MACROD2: variants seen among roughly 807,000 people sequenced by gnomAD.
MACROD2 encodes mono-ADP ribosylhydrolase 2.
MACROD2 carries 36 observed loss-of-function variants against 70.4 expected under a neutral mutation model. The observed-to-expected ratio is 0.51, with a 90% CI of 0.39 to 0.68. The LOEUF (loss-of-function observed/expected upper bound fraction) is 0.68. MACROD2 is among the 30% of genes least tolerant of loss of function. The probability of loss-of-function intolerance (pLI) is 0.00; values close to 1 mark genes in which losing one functional copy is unlikely to be tolerated. For synonymous variants in MACROD2, 172 were observed against 178.8 expected, an observed-to-expected ratio of 0.96 and a Z score of 0.30; for missense variants, 496 against 538.4, an observed-to-expected ratio of 0.92 and a Z score of 0.78.
At chr20:16,033,726 C>A (rs984388339) in intron 15 of MACROD2, among the ~76,000 whole-genome samples, 64 of 151,982 alleles carry the variant, frequency 4.2e-4, no homozygotes, top group Non-Finnish European at 1.5e-4. Flanking sequence ...AATGCCAGGA[C>A]TTGGATTTGA....
intron 6 of MACROD2, among the ~76,000 whole-genome samples, chr20:15,397,298 A>T (rs1568775497): frequency 6.6e-6 from 1 of 150,970 alleles, no homozygotes; most frequent in African/African-American, 2.4e-5. Context: ...TTTCTTTTTA[A>T]TTTTTTTTTA....
intron 6 of MACROD2, among the ~76,000 whole-genome samples, chr20:15,319,883 T>G (rs2077854596): frequency 1.3e-5 from 2 of 152,212 alleles, no homozygotes; most frequent in Non-Finnish European, 1.5e-5. Flanking sequence ...ATAATCTCAA[T>G]TATATGAAAT....
intron 3 of MACROD2, among the ~76,000 whole-genome samples, chr20:14,362,564 A>G (rs866562767): frequency 1.3e-5 from 2 of 152,200 alleles, no homozygotes; most frequent in Non-Finnish European, 2.9e-5. Context: ...CACAGCCCCA[A>G]GTTAACTTTG....
chr20:15,777,550 C>CTTCCTTCCTTCCTTCCTTCCTTCCTTCT (rs1199405538), intron 8 of MACROD2, among the ~76,000 whole-genome samples: 1 of 91,702 alleles, frequency 1.1e-5, no homozygotes, highest in Non-Finnish European at 2.4e-5. Context: ...TCCTTCCTTC[C>CTTCCTTCCTTCCTTCCTTCCTTCCTTCT]TTCCTTCCTT....
intron 4 of MACROD2, among the ~76,000 whole-genome samples, chr20:14,677,259 C>T (rs1380116021): frequency 2.9e-4 from 44 of 152,130 alleles, no homozygotes; most frequent in Non-Finnish European, 1.5e-5. Flanking sequence ...GCTATCTAAA[C>T]AGTGGAATAA....
chr20:15,859,279 G>A (rs1274394559), intron 8 of MACROD2, among the ~76,000 whole-genome samples: 1 of 152,012 alleles, frequency 6.6e-6, no homozygotes, highest in Non-Finnish European at 1.5e-5. Context: ...AGTGGAAGAG[G>A]AAGCAGAAGA....
At chr20:14,388,247 C>T (rs956129995) in intron 3 of MACROD2, among the ~76,000 whole-genome samples, 1 of 151,958 alleles carries the variant, frequency 6.6e-6, no homozygotes, top group African/African-American at 2.4e-5. Flanking sequence ...CTCCTGACTT[C>T]GTGATCCACC....
chr20:15,467,650 G>A (rs550509129), intron 7 of MACROD2, among the ~76,000 whole-genome samples: 1 of 152,224 alleles, frequency 6.6e-6, no homozygotes, highest in African/African-American at 2.4e-5. Flanking sequence ...TCTTAGGAAG[G>A]TGCAGCCATG....
intron 8 of MACROD2, among the ~76,000 whole-genome samples, chr20:15,667,383 G>A (rs778354461): frequency 1.3e-5 from 2 of 152,140 alleles, no homozygotes; most frequent in East Asian, 1.9e-4. Context: ...GCAGAACCAC[G>A]AGCCAATTAA....
At chr20:14,538,869 G>T (rs2085398718) in intron 4 of MACROD2, among the ~76,000 whole-genome samples, 1 of 152,088 alleles carries the variant, frequency 6.6e-6, no homozygotes, top group South Asian at 2.1e-4. Flanking sequence ...TTATTTTCGA[G>T]CCTACATGTT....
At chr20:14,046,222 A>G (rs1407465254) in intron 2 of MACROD2, among the ~76,000 whole-genome samples, 1 of 152,228 alleles carries the variant, frequency 6.6e-6, no homozygotes, top group Non-Finnish European at 1.5e-5. Context: ...AAGCTATAGA[A>G]ATTAGACTGG....
intron 3 of MACROD2, among the ~76,000 whole-genome samples, chr20:14,428,407 A>T (rs1041130626): frequency 6.6e-6 from 1 of 152,110 alleles, no homozygotes; most frequent in Non-Finnish European, 1.5e-5. Context: ...CTTAATTTCT[A>T]GATTTTCGAA....
chr20:15,134,246 G>A (rs142800030), intron 5 of MACROD2, among the ~76,000 whole-genome samples: 1,793 of 147,740 alleles, frequency 0.012, 36 homozygotes, highest in African/African-American at 0.04. Flanking sequence ...TGCCCGAGCC[G>A]GGCAGGGTGG....
At chr20:14,945,221 G>A (rs1368675173) in intron 5 of MACROD2, among the ~76,000 whole-genome samples, 1 of 151,652 alleles carries the variant, frequency 6.6e-6, no homozygotes, top group Non-Finnish European at 1.5e-5. Flanking sequence ...AGGTTCAAGC[G>A]ATTCTCCTGC....
intron 7 of MACROD2, among the ~76,000 whole-genome samples, chr20:15,472,141 C>G (rs911967325): frequency 3.3e-5 from 5 of 152,168 alleles, no homozygotes; most frequent in African/African-American, 1.2e-4. Context: ...CACATAGGAA[C>G]AGAGCCAACT....
rs1291019908 is a variant in MACROD2, at chr20:15,400,576, G to A, written c.541-30829G>A. On this transcript the variant is annotated intron_variant, in intron 6 of 17. Transcript: ENST00000684519. ...TAAACTGGTTTTGTAAGGGAAGCCA[G>A]GTATGCAGGATTAGGATAAAAACAG... Among the ~76,000 whole-genome samples, 3 of 152,122 alleles carry A rather than the reference G, an allele frequency of 2.0e-5. No homozygotes were observed. The East Asian group carries it at 5.8e-4, about 29-fold the overall frequency.
chr20:14,772,777 G>A (rs955595560), intron 5 of MACROD2, among the ~76,000 whole-genome samples: 10 of 152,030 alleles, frequency 6.6e-5, no homozygotes, highest in Non-Finnish European at 1.0e-4. Context: ...AAAAAGAGAA[G>A]CAATGCCAGA....
At chr20:14,525,032 TG>T (rs1203028761) in intron 4 of MACROD2, among the ~76,000 whole-genome samples, 1 of 152,184 alleles carries the variant, frequency 6.6e-6, no homozygotes, top group Non-Finnish European at 1.5e-5. Flanking sequence ...GGGTGATATG[TG>T]GTCTTGACAC....
chr20:14,570,064 T>C (rs2423824), intron 4 of MACROD2, among the ~76,000 whole-genome samples: 97,471 of 151,842 alleles, frequency 0.64, 32,855 homozygotes, highest in East Asian at 0.93. Context: ...CATCAACATG[T>C]GCAAGAATGT....
Sources: gnomAD v4.1 joint callset for allele counts (sites outside exome capture counted in the v4.1 genomes callset) on GRCh38, gnomAD v4.1.1 for gene constraint, MANE v1.5 for transcripts, NCBI Gene and HGNC (gene_info 2026-07-23, HGNC 2026-07-21) for gene names.